The following RELN variants were observed in gnomAD, a reference collection of about 807,000 sequenced individuals.
RELN encodes the protein reelin.
RELN carries 108 observed loss-of-function variants against 427.6 expected under a neutral mutation model. The observed-to-expected ratio is 0.25, with a 90% CI of 0.22 to 0.30. The LOEUF (loss-of-function observed/expected upper bound fraction) is 0.30, where lower values mean the gene tolerates loss of function less well. RELN is among the 10% of genes least tolerant of loss of function. The pLI is 1.00. For missense variants in RELN, 3,715 were observed against 4,302.8 expected (o/e 0.86, Z 3.82); for synonymous variants, 1,524 against 1,513.4 (o/e 1.01, Z -0.16).
chr7:103,903,151 T>C (rs112581870), intron 2 of RELN, among the ~76,000 whole-genome samples: 5 of 152,164 alleles, frequency 3.3e-5, no homozygotes, highest in African/African-American at 1.2e-4. Context: ...TTGAAGTTTA[T>C]TCCCTGAAGC....
rs58264046 is a variant in RELN, at chr7:103,523,091, C to T, written c.7490+300G>A. Among the ~76,000 whole-genome samples the T allele has an allele frequency of 0.023, 3,544 of 152,268 alleles. 137 individuals carry two copies. Among genetic ancestry groups the T allele is most frequent in the African/African-American group, 0.081 (3,379 of 41,534 alleles). On this transcript the variant is annotated intron_variant, in intron 47 of 64. Transcript: ENST00000428762. ...GGTCAGAACTTACTGAACTCCTGAA[C>T]CTTTTCTAATGTTATTTTCAAGGCT...
chr7:103,791,662 C>G (rs977010158), intron 3 of RELN, among the ~76,000 whole-genome samples: 1 of 151,900 alleles, frequency 6.6e-6, no homozygotes, highest in African/African-American at 2.4e-5. Context: ...ATCTTCATGA[C>G]TTGATACTTG....
At chr7:103,749,344 T>C in intron 6 of RELN, 82 bp downstream of exon 6, 2 of 1,085,050 alleles carry the variant, frequency 1.8e-6, no homozygotes, top group Non-Finnish European at 2.9e-6. Context: ...AACTTAATTT[T>C]AAGTAACTGC....
intron 1 of RELN, among the ~76,000 whole-genome samples, chr7:103,943,310 G>A (rs1387199632): frequency 6.6e-6 from 1 of 152,102 alleles, no homozygotes; most frequent in African/African-American, 2.4e-5. Flanking sequence ...GCTGCCCTGA[G>A]CCGGAAACAC....
At chr7:103,743,735 C>G (rs1041143722) in intron 6 of RELN, among the ~76,000 whole-genome samples, 4 of 152,118 alleles carry the variant, frequency 2.6e-5, no homozygotes, top group Non-Finnish European at 5.9e-5. Flanking sequence ...TATATGCACC[C>G]AATACAGGAG....
intron 8 of RELN, among the ~76,000 whole-genome samples, chr7:103,707,562 G>A (rs1479040519): frequency 6.6e-6 from 1 of 151,038 alleles, no homozygotes; most frequent in African/African-American, 2.4e-5. Flanking sequence ...GCAATGGCGC[G>A]ATCTCGGCTC....
chr7:103,714,332 T>C (rs922716161), intron 8 of RELN, among the ~76,000 whole-genome samples: 4 of 152,210 alleles, frequency 2.6e-5, no homozygotes, highest in Non-Finnish European at 4.4e-5. Flanking sequence ...TACCTTACTG[T>C]ACATCATATA....
At chr7:103,652,399 G>C (rs1057088089) in intron 14 of RELN, 152 bp downstream of exon 14, 2 of 660,662 alleles carry the variant, frequency 3.0e-6, no homozygotes, top group Non-Finnish European at 2.6e-6. Flanking sequence ...ATTAATTGAA[G>C]AACTTTTCAT....
chr7:103,661,557 G>C, intron 11 of RELN, 30 bp from the exon 12 acceptor site: 1 of 1,606,226 alleles, frequency 6.2e-7, no homozygotes, highest in Non-Finnish European at 8.5e-7. Flanking sequence ...AAGAGTTAGA[G>C]TTAGAATATT....
intron 63 of RELN, among the ~76,000 whole-genome samples, chr7:103,480,079 CTCT>C (rs1261842713): frequency 6.6e-6 from 1 of 152,132 alleles, no homozygotes; most frequent in Non-Finnish European, 1.5e-5. Flanking sequence ...GGGTTTGTAT[CTCT>C]TAAGATACAA....
At chr7:103,647,444 T>A (rs560786106) in intron 16 of RELN, among the ~76,000 whole-genome samples, 1 of 151,134 alleles carries the variant, frequency 6.6e-6, no homozygotes, top group Non-Finnish European at 1.5e-5. Flanking sequence ...AAGACGTCAA[T>A]CCCATTTACA....
intron 60 of RELN, 140 bp downstream of exon 60, chr7:103,489,602 G>C: frequency 1.0e-6 from 1 of 966,708 alleles, no homozygotes; most frequent in Non-Finnish European, 1.6e-6. Context: ...AAGTTAAAGA[G>C]TGACCAAGGA....
intron 11 of RELN, among the ~76,000 whole-genome samples, chr7:103,676,539 G>A (rs1329876511): frequency 6.6e-6 from 1 of 152,074 alleles, no homozygotes; most frequent in Non-Finnish European, 1.5e-5. Context: ...CCCATTACTG[G>A]GTATATACCC....
intron 28 of RELN, among the ~76,000 whole-genome samples, chr7:103,581,549 G>C (rs1486886340): frequency 1.3e-5 from 2 of 152,240 alleles, no homozygotes; most frequent in East Asian, 3.9e-4. Flanking sequence ...AAGTGGAAGA[G>C]ATGTGAATTA....
At chr7:103,499,783 T>G (rs376493365) in intron 53 of RELN, among the ~76,000 whole-genome samples, 36 of 152,202 alleles carry the variant, frequency 2.4e-4, no homozygotes, top group African/African-American at 8.7e-4. Context: ...GGTTTATAAT[T>G]TATAGATTTG....
chr7:103,645,523 A>G (rs529237077), intron 16 of RELN, among the ~76,000 whole-genome samples: 2 of 152,030 alleles, frequency 1.3e-5, no homozygotes, highest in East Asian at 3.9e-4. Context: ...ACAAGAAAAA[A>G]ATAAGACAAA....
chr7:103,949,704 T>C (rs1053822846), intron 1 of RELN, among the ~76,000 whole-genome samples: 3 of 152,200 alleles, frequency 2.0e-5, no homozygotes, highest in Non-Finnish European at 4.4e-5. Context: ...GGAAAAGAGA[T>C]AATGATATCC....
At chr7:103,575,938 G>C (rs1830991226) in intron 28 of RELN, among the ~76,000 whole-genome samples, 1 of 151,758 alleles carries the variant, frequency 6.6e-6, no homozygotes, top group Non-Finnish European at 1.5e-5. Flanking sequence ...AGTGCAGTAG[G>C]GTGATCTCAG....
chr7:103,547,878 A>G (rs937612230), intron 41 of RELN, among the ~76,000 whole-genome samples: 2 of 152,346 alleles, frequency 1.3e-5, no homozygotes, highest in Admixed American at 6.5e-5. Context: ...TGCAAGCACT[A>G]TGATAAATAG....
Sources: allele counts gnomAD v4.1 joint callset (sites outside exome capture counted in the v4.1 genomes callset), GRCh38; gene constraint gnomAD v4.1.1; transcripts MANE v1.5; gene names NCBI Gene and HGNC (gene_info 2026-07-23, HGNC 2026-07-21).